STK24: variants seen among roughly 807,000 people sequenced by gnomAD.
STK24 encodes the protein serine/threonine kinase 24.
A neutral mutation model predicts 55.6 loss-of-function variants in STK24; 21 were observed. The ratio of observed to expected loss-of-function variants is 0.38; its 90% CI spans 0.27 to 0.54. STK24 has a LOEUF of 0.54. STK24 is among the 20% of genes least tolerant of loss of function. The pLI is 0.79. For synonymous variants in STK24, 200 were observed against 215.2 expected (o/e 0.93, Z 0.62); for missense variants, 383 against 538.4 (o/e 0.71, Z 2.86).
At chr13:98,460,228 G>A in intron 9 of STK24, 144 bp downstream of exon 9, 1 of 677,766 alleles carries the variant, frequency 1.5e-6, no homozygotes, top group Non-Finnish European at 2.6e-6. Flanking sequence ...GACAGCCTTT[G>A]GGAAGGCACC....
chr13:98,561,444 G>A (rs1375100572), intron 1 of STK24, among the ~76,000 whole-genome samples: 2 of 151,918 alleles, frequency 1.3e-5, no homozygotes, highest in East Asian at 1.9e-4. Context: ...TTAGCCGGTC[G>A]TGAGGCACAC....
At chr13:98,467,683 C>T (rs1234136162) in intron 5 of STK24, among the ~76,000 whole-genome samples, 1 of 152,152 alleles carries the variant, frequency 6.6e-6, no homozygotes, top group Non-Finnish European at 1.5e-5. Context: ...ACTAGGACAT[C>T]TCAGGTCCAG....
At chr13:98,462,009 C>A in intron 7 of STK24, 112 bp from the exon 8 acceptor site, 1 of 1,373,294 alleles carries the variant, frequency 7.3e-7, no homozygotes, top group Non-Finnish European at 1.0e-6. Context: ...CCCACCAGCC[C>A]CAAGTCCCCA....
intron 2 of STK24, among the ~76,000 whole-genome samples, chr13:98,490,235 T>A (rs1271544413): frequency 6.6e-6 from 1 of 152,048 alleles, no homozygotes; most frequent in Non-Finnish European, 1.5e-5. Flanking sequence ...ATATAAACCT[T>A]TTTCTCTCAT....
chr13:98,508,619 C>G (rs1250886541), intron 2 of STK24, among the ~76,000 whole-genome samples: 1 of 152,038 alleles, frequency 6.6e-6, no homozygotes, highest in Non-Finnish European at 1.5e-5. Context: ...GTGGGAGGAA[C>G]AGGGGGTATT....
At chr13:98,535,605 T>C (rs1454543069) in intron 1 of STK24, among the ~76,000 whole-genome samples, 4 of 152,136 alleles carry the variant, frequency 2.6e-5, no homozygotes, top group Admixed American at 6.5e-5. Context: ...GGGAAGGCCT[T>C]GTGCTGGGCA....
intron 1 of STK24, chr13:98,522,002 C>G (rs1233414686): frequency 7.0e-7 from 1 of 1,438,312 alleles, no homozygotes; most frequent in African/African-American, 1.4e-5. Context: ...ACCCAAAGCC[C>G]TCCTCCTCCA....
chr13:98,564,148 T>C (rs912767071), intron 1 of STK24, among the ~76,000 whole-genome samples: 1 of 152,238 alleles, frequency 6.6e-6, no homozygotes, highest in Non-Finnish European at 1.5e-5. Flanking sequence ...ACTCTACTGA[T>C]ATGAAATACT....
At chr13:98,531,322 A>T (rs1276220043) in intron 1 of STK24, among the ~76,000 whole-genome samples, 5 of 152,358 alleles carry the variant, frequency 3.3e-5, no homozygotes, top group African/African-American at 1.2e-4. Context: ...AGGCCAATGG[A>T]AAGTTTATAA....
At chr13:98,555,206 C>T (rs1423587565) in intron 1 of STK24, among the ~76,000 whole-genome samples, 2 of 152,138 alleles carry the variant, frequency 1.3e-5, no homozygotes, top group African/African-American at 4.8e-5. Flanking sequence ...CATGCCATCC[C>T]TTTTCCCCTC....
chr13:98,511,743 T>C (rs1463979637), intron 2 of STK24, among the ~76,000 whole-genome samples: 1 of 152,092 alleles, frequency 6.6e-6, no homozygotes. Flanking sequence ...AAAGCCAAAA[T>C]GCTAAGGACT....
At chr13:98,507,127 CCCT>C (rs1895712066) in intron 2 of STK24, among the ~76,000 whole-genome samples, 1 of 152,256 alleles carries the variant, frequency 6.6e-6, no homozygotes, top group Non-Finnish European at 1.5e-5. Context: ...ACCCGATTCT[CCCT>C]CCTCAACTTT....
chr13:98,520,202 A>G (rs188748001), intron 1 of STK24, among the ~76,000 whole-genome samples: 38 of 152,332 alleles, frequency 2.5e-4, no homozygotes, highest in African/African-American at 9.1e-4. Flanking sequence ...TGAGTTCTCA[A>G]AGGGGGCAGT....
chr13:98,575,942 C>G (rs773940884), intron 1 of STK24: 102 of 710,938 alleles, frequency 1.4e-4, no homozygotes, highest in Non-Finnish European at 1.7e-4. Flanking sequence ...TGAAATTCAA[C>G]TCCTCTCCCA....
intron 2 of STK24, among the ~76,000 whole-genome samples, chr13:98,488,815 G>C (rs533974856): frequency 1.2e-4 from 18 of 152,146 alleles, no homozygotes; most frequent in Non-Finnish European, 2.4e-4. Flanking sequence ...TAAAAAAAAA[G>C]ACAAACGAGA....
chr13:98,496,418 G>A (rs1359029835), intron 2 of STK24, among the ~76,000 whole-genome samples: 1 of 152,168 alleles, frequency 6.6e-6, no homozygotes, highest in Admixed American at 6.5e-5. Flanking sequence ...GAGGGCGTGA[G>A]GCTACTGAGC....
chr13:98,486,403 C>G (rs1015275307), intron 2 of STK24, among the ~76,000 whole-genome samples: 1 of 152,166 alleles, frequency 6.6e-6, no homozygotes, highest in African/African-American at 2.4e-5. Context: ...TCGTTTCTAC[C>G]ACTACCAATC....
intron 2 of STK24, among the ~76,000 whole-genome samples, chr13:98,499,453 T>G (rs1895366166): frequency 1.3e-5 from 2 of 152,166 alleles, no homozygotes; most frequent in Admixed American, 1.3e-4. Context: ...CACCCTCTCA[T>G]CAATCCCTTG....
chr13:98,574,852 A>T (rs910362029), intron 1 of STK24, among the ~76,000 whole-genome samples: 7 of 152,062 alleles, frequency 4.6e-5, no homozygotes, highest in African/African-American at 1.7e-4. Flanking sequence ...CCACTCAAAA[A>T]AAAAAGTGAG....
Sources: allele counts gnomAD v4.1 joint callset (sites outside exome capture counted in the v4.1 genomes callset), GRCh38; gene constraint gnomAD v4.1.1; transcripts MANE v1.5; gene names NCBI Gene and HGNC (gene_info 2026-07-23, HGNC 2026-07-21).